DDX52: variants seen among roughly 807,000 people sequenced by gnomAD.
DDX52 encodes the protein DExD-box helicase 52.
In DDX52, 59 loss-of-function variants were observed where a neutral mutation model predicts 76.1. That is an observed-to-expected ratio of 0.78 (90% CI 0.63 to 0.96). The LOEUF (loss-of-function observed/expected upper bound fraction) is 0.96, where lower values mean the gene tolerates loss of function less well. Ranked by LOEUF, DDX52 falls within the 40% of genes least tolerant of loss-of-function variation. DDX52 has a pLI of 0.00. For synonymous variants in DDX52, 231 were observed against 244.1 expected, an observed-to-expected ratio of 0.95 and a Z score of 0.50; for missense variants, 707 against 703.9, an observed-to-expected ratio of 1.00 and a Z score of -0.05.
rs2064399023 is a variant in DDX52, at chr17:37,614,220, A to C, written c.*76T>G. 6.8e-7 allele frequency: 1 copy of C among 1,467,248 alleles called. No homozygotes were observed. Among genetic ancestry groups the C allele is most frequent in the African/African-American group, 1.4e-5 (1 of 71,068 alleles). The allele number at this position is 1,467,248 out of a possible 1,614,324, so 90.9% of individuals were successfully genotyped here. A position where few individuals can be genotyped will look rare whatever the true frequency, so the allele number is the denominator to read the frequency against. Reference sequence around the variant, plus strand: ...TTGGTACAGGTGACTGTAAGACTTCAAGTATTCCATGAAAATAACATTCAT... The same window carrying C: ...TTGGTACAGGTGACTGTAAGACTTCCAGTATTCCATGAAAATAACATTCAT... On this transcript the variant is annotated 3_prime_UTR_variant, in exon 15 of 15. Coordinates refer to ENST00000617633, the MANE Select transcript of DDX52 (RefSeq NM_007010.5).
chr17:37,621,623 G>T, intron 9 of DDX52, 103 bp from the exon 10 acceptor site: 1 of 1,432,044 alleles, frequency 7.0e-7, no homozygotes, highest in Non-Finnish European at 9.2e-7. Flanking sequence ...TCAATTTAGT[G>T]TACTTTCTTG....
intron 5 of DDX52, among the ~76,000 whole-genome samples, chr17:37,629,564 CA>C (rs1227949635): frequency 2.0e-5 from 3 of 151,820 alleles, no homozygotes; most frequent in Admixed American, 2.0e-4. Context: ...CCCAGTTACT[CA>C]AGAGGCTGAA....
Position 37,626,052 on chromosome 17 carries a change from C to T in DDX52, c.979G>A (p.Gly327Ser), listed in dbSNP as rs1308713871. Residue 327 changes from glycine to serine, a missense_variant, in exon 8 of 15, where the codon GGC becomes AGC. Physicochemically the swap from Gly to Ser is moderately conservative, Grantham distance 56 (BLOSUM62 0). Coordinates refer to ENST00000617633, the MANE Select transcript of DDX52 (RefSeq NM_007010.5). ...VDESDKLFED[G>S]KTGFRDQLAS... is the part of the protein sequence containing the mutation. ...AGCTGGTCTCTGAACCCAGTTTTGC[C>T]ATCTTCAAACAGTTTATCTGATTCG... is the stretch of plus-strand genomic sequence containing the variant. 6.2e-7 allele frequency: 1 copy of T among 1,613,938 alleles called. No homozygotes were observed. Among genetic ancestry groups the T allele is most frequent in the Admixed American group, 1.7e-5 (1 of 59,992 alleles).
Position 37,614,055 on chromosome 17 carries a change from G to C in DDX52, c.*241C>G. 2.4e-6 allele frequency: 1 copy of C among 421,840 alleles called. No individual in the cohort carries two copies. Among genetic ancestry groups the C allele is most frequent in the South Asian group, 4.2e-5 (1 of 23,952 alleles). 26.1% of individuals were successfully genotyped at this position (421,840 alleles called of 1,614,324 possible). ...AGGCAGGAGGATTGTGTGAGGTCAG[G>C]AGTTCAAGACCAGCCTGGACAACAT... On this transcript the variant is annotated 3_prime_UTR_variant, in exon 15 of 15. Coordinates refer to ENST00000617633, the MANE Select transcript of DDX52 (RefSeq NM_007010.5).
intron 14 of DDX52, 132 bp downstream of exon 14, chr17:37,618,160 A>G (rs1012308203): frequency 2.7e-5 from 19 of 691,164 alleles, no homozygotes; most frequent in Admixed American, 1.9e-4. Flanking sequence ...AACCTAAAAT[A>G]TATTATTTTT....
chr17:37,620,128 G>GCCA, intron 12 of DDX52: 1 of 327,970 alleles, frequency 3.0e-6, no homozygotes, highest in African/African-American at 2.1e-5. Context: ...ACTGACTGAA[G>GCCA]CCAGAGTCAA....
chr17:37,617,533 T>A (rs1462322944), intron 14 of DDX52, among the ~76,000 whole-genome samples: 1 of 152,226 alleles, frequency 6.6e-6, no homozygotes. Flanking sequence ...AATATTCTCA[T>A]AAAACTCAGC....
chr17:37,616,606 G>C lies in DDX52; in HGVS notation c.1742+1686C>G, dbSNP rs540701210. ...GGAGGTGGAGGTTGCAGTGAGCCGA[G>C]ATTGCGACACTGCACTCCAGCCTGG... On this transcript the variant is annotated intron_variant, in intron 14 of 14. Transcript: ENST00000617633. 2.0e-5 allele frequency among the ~76,000 whole-genome samples: 3 copies of C among 151,396 alleles called. No individual in the cohort carries two copies. The South Asian group carries it at 6.2e-4, about 31-fold the overall frequency.
Position 37,612,755 on chromosome 17 carries a change from C to T in DDX52, c.*1541G>A, listed in dbSNP as rs1468570892. 6.6e-6 allele frequency: 1 copy of T among 152,108 alleles called. No individual in the cohort carries two copies. The highest frequency in any genetic ancestry group is 1.9e-4 in the East Asian group (1 of 5,204). The allele number at this position is 152,108 out of a possible 1,614,324, so 9.4% of individuals were successfully genotyped here. A position where few individuals can be genotyped will look rare whatever the true frequency, so the allele number is the denominator to read the frequency against. On this transcript the variant is annotated 3_prime_UTR_variant, in exon 15 of 15. Transcript: ENST00000617633. Reference sequence around the variant, plus strand: ...TTAAGAAATATTTATTGTGAGTTTACTATGTATCAGGTACAGTGCTAGGTA... The same window carrying T: ...TTAAGAAATATTTATTGTGAGTTTATTATGTATCAGGTACAGTGCTAGGTA...
chr17:37,634,392 G>T (rs926980488), intron 2 of DDX52, among the ~76,000 whole-genome samples: 1 of 151,748 alleles, frequency 6.6e-6, no homozygotes, highest in Non-Finnish European at 1.5e-5. Context: ...AGCACTTTGG[G>T]AGGCCAAGGT....
At position 37,618,280 on chromosome 17, in the gene DDX52, C is replaced by T. The variant is rs771187690; in HGVS notation, c.1742+12G>A. ...TGGTGTCAAACAGCCATTTTTCTTA[C>T]CACATACTTACTGTTTATCCTTAGC... On this transcript the variant is annotated intron_variant, in intron 14 of 14. Transcript: ENST00000617633. The T allele has an allele frequency of 3.4e-5, 54 of 1,583,252 alleles. No individual in the cohort carries two copies. Among genetic ancestry groups the T allele is most frequent in the Non-Finnish European group, 4.4e-5 (51 of 1,169,720 alleles).
intron 2 of DDX52, among the ~76,000 whole-genome samples, chr17:37,637,607 T>C (rs1270519883): frequency 6.6e-6 from 1 of 151,086 alleles, no homozygotes; most frequent in Non-Finnish European, 1.5e-5. Flanking sequence ...CGAGTTTCAC[T>C]CTTGTTGCCC....
At chr17:37,621,910 TTTA>T (rs2030117357) in intron 9 of DDX52, among the ~76,000 whole-genome samples, 1 of 152,190 alleles carries the variant, frequency 6.6e-6, no homozygotes, top group African/African-American at 2.4e-5. Context: ...AATTAATTTT[TTTA>T]TTCTTATGGA....
At chr17:37,626,216 A>G in intron 7 of DDX52, 118 bp from the exon 8 acceptor site, 10 of 1,035,924 alleles carry the variant, frequency 9.7e-6, no homozygotes, top group Non-Finnish European at 1.2e-5. Context: ...TCTCAGATCC[A>G]CTTTATCATA....
intron 6 of DDX52, among the ~76,000 whole-genome samples, chr17:37,628,179 C>T (rs1255674777): frequency 6.6e-6 from 1 of 152,090 alleles, no homozygotes; most frequent in Non-Finnish European, 1.5e-5. Context: ...AGCACTGTTA[C>T]CACTTTGGGC....
chr17:37,640,039 G>A (rs1937261932), intron 2 of DDX52, among the ~76,000 whole-genome samples: 1 of 152,204 alleles, frequency 6.6e-6, no homozygotes, highest in Non-Finnish European at 1.5e-5. Flanking sequence ...TACAATGTAT[G>A]ATGGGCTACT....
At chr17:37,637,097 T>A (rs1374993009) in intron 2 of DDX52, among the ~76,000 whole-genome samples, 1 of 152,130 alleles carries the variant, frequency 6.6e-6, no homozygotes, top group South Asian at 2.1e-4. Flanking sequence ...CCCAAGTAGC[T>A]GGGACTACAG....
chr17:37,628,102 C>T (rs1056744280), intron 6 of DDX52, among the ~76,000 whole-genome samples: 2 of 152,096 alleles, frequency 1.3e-5, no homozygotes, highest in African/African-American at 4.8e-5. Flanking sequence ...GCATGCCATT[C>T]CTGTCTGCCA....
At chr17:37,628,019 T>C (rs2030478369) in intron 6 of DDX52, among the ~76,000 whole-genome samples, 1 of 151,976 alleles carries the variant, frequency 6.6e-6, no homozygotes, top group Admixed American at 6.6e-5. Context: ...CCTCAAGCAA[T>C]CCTCCCACCT....
Sources: allele counts gnomAD v4.1 joint callset (sites outside exome capture counted in the v4.1 genomes callset), GRCh38; gene constraint gnomAD v4.1.1; transcripts MANE v1.5; gene names NCBI Gene and HGNC (gene_info 2026-07-23, HGNC 2026-07-21).